DAB1: variants seen among roughly 807,000 people sequenced by gnomAD.
DAB1 encodes the protein DAB adaptor protein 1, also known as disabled homolog 1.
DAB1 carries 15 observed loss-of-function variants against 64.6 expected under a neutral mutation model. The observed-to-expected ratio is 0.23, with a 90% CI of 0.16 to 0.36. DAB1 has a LOEUF of 0.36. Among genes scored for constraint, DAB1 ranks in the 10% least tolerant of loss-of-function variants. The pLI, the probability that DAB1 is intolerant of heterozygous loss-of-function variation, is 1.00. For synonymous variants in DAB1, 235 were observed against 251.9 expected (o/e 0.93, Z 0.64); for missense variants, 596 against 706.7 (o/e 0.84, Z 1.78).
chr1:58,424,513 C>T (rs1005396226), intron 3 of DAB1, among the ~76,000 whole-genome samples: 6 of 152,210 alleles, frequency 3.9e-5, no homozygotes, highest in Admixed American at 3.9e-4. Flanking sequence ...TAGTGCAATC[C>T]TCCAGGAGAA....
intron 7 of DAB1, among the ~76,000 whole-genome samples, chr1:57,430,738 A>C (rs1409012091): frequency 6.6e-6 from 1 of 152,140 alleles, no homozygotes; most frequent in Non-Finnish European, 1.5e-5. Context: ...ACGAACACAG[A>C]ATGTGCACAA....
intron 6 of DAB1, among the ~76,000 whole-genome samples, chr1:57,656,651 T>G (rs1387097278): frequency 6.6e-6 from 1 of 152,224 alleles, no homozygotes; most frequent in Non-Finnish European, 1.5e-5. Flanking sequence ...TCATAGGTAC[T>G]ACAGAGTAAA....
At position 57,127,710 on chromosome 1, in the gene DAB1, C is replaced by T. The variant is rs181205996; in HGVS notation, c.306+8833G>A. Among the ~76,000 whole-genome samples, 350 of 152,236 alleles carry T rather than the reference C, an allele frequency of 2.3e-3. 5 individuals carry two copies. The highest frequency in any genetic ancestry group is 7.4e-3 in the African/African-American group (307 of 41,546). ...GTTGTGTTCAAGTGACCTAACCTTC[C>T]TGAGTCTTAGTCACCTAATCTGTAA... is the stretch of plus-strand genomic sequence containing the variant. On this transcript the variant is annotated intron_variant, in intron 4 of 14. Transcript: ENST00000371236.
intron 4 of DAB1, among the ~76,000 whole-genome samples, chr1:57,096,996 A>T (rs1334605005): frequency 6.6e-6 from 1 of 152,134 alleles, no homozygotes; most frequent in Non-Finnish European, 1.5e-5. Context: ...CTGTTTCTCC[A>T]GCTAGGTTAT....
At chr1:57,281,799 G>A (rs913454834) in intron 2 of DAB1, among the ~76,000 whole-genome samples, 2 of 152,060 alleles carry the variant, frequency 1.3e-5, no homozygotes, top group Middle Eastern at 3.2e-3. Context: ...CTTCGGGGAC[G>A]GGGGCCAGTG....
chr1:58,140,185 A>G (rs1654199344), intron 5 of DAB1, among the ~76,000 whole-genome samples: 1 of 152,002 alleles, frequency 6.6e-6, no homozygotes. Flanking sequence ...GGTAATTCTC[A>G]TTGTTTGGTT....
chr1:58,350,412 A>G (rs1009293945), intron 3 of DAB1, among the ~76,000 whole-genome samples: 1 of 152,118 alleles, frequency 6.6e-6, no homozygotes, highest in Non-Finnish European at 1.5e-5. Flanking sequence ...TAGGTTGCCT[A>G]TTCACTCTGA....
intron 1 of DAB1, chr1:57,863,134 A>C: frequency 6.6e-6 from 1 of 152,194 alleles, no homozygotes; most frequent in East Asian, 1.9e-4. Flanking sequence ...TATGGATGTA[A>C]ATTATAATGC....
chr1:57,037,815 T>C (rs1403812343), intron 9 of DAB1, among the ~76,000 whole-genome samples: 1 of 152,148 alleles, frequency 6.6e-6, no homozygotes, highest in East Asian at 1.9e-4. Flanking sequence ...CAAGGGCAAG[T>C]GGCTTGAGGT....
intron 5 of DAB1, among the ~76,000 whole-genome samples, chr1:58,075,827 T>G (rs1313243410): frequency 6.6e-6 from 1 of 152,132 alleles, no homozygotes; most frequent in Non-Finnish European, 1.5e-5. Flanking sequence ...TCCCTCTTTG[T>G]GAATCTCTCT....
intron 4 of DAB1, among the ~76,000 whole-genome samples, chr1:58,176,493 G>A (rs564918577): frequency 1.3e-5 from 2 of 152,242 alleles, no homozygotes; most frequent in South Asian, 2.1e-4. Context: ...TGTAATGAAC[G>A]GAAATTCATT....
rs542177511 is a variant in DAB1 at position 58,524,171 on chromosome 1, C to T, written n.107+3090G>A. 4.6e-5 allele frequency among the ~76,000 whole-genome samples: 7 copies of T among 152,306 alleles called. No individual in the cohort carries two copies. In the South Asian group the frequency reaches 1.2e-3, roughly 27 times the overall value. On this transcript the variant is annotated intron_variant and non_coding_transcript_variant, in intron 2 of 20. Coordinates refer to the DAB1 transcript ENST00000485760. ...CCCTTCTGCCTTAAATCTTGATGCT[C>T]ATTAATAAATGTCCTTTATGGCATT...
At chr1:57,314,218 C>T (rs570944889) in intron 1 of DAB1, among the ~76,000 whole-genome samples, 3 of 152,212 alleles carry the variant, frequency 2.0e-5, no homozygotes, top group Admixed American at 6.5e-5. Flanking sequence ...GATACACATA[C>T]TTAATACTGA....
At chr1:58,449,020 T>A (rs1645102947) in intron 3 of DAB1, among the ~76,000 whole-genome samples, 1 of 152,080 alleles carries the variant, frequency 6.6e-6, no homozygotes, top group Non-Finnish European at 1.5e-5. Context: ...CAAAACAAAA[T>A]TTTCATAGGA....
intron 4 of DAB1, among the ~76,000 whole-genome samples, chr1:58,281,988 C>A (rs1317809331): frequency 6.6e-6 from 1 of 152,102 alleles, no homozygotes; most frequent in African/African-American, 2.4e-5. Flanking sequence ...ACATCTTCCT[C>A]CTCCTCATCA....
At chr1:58,262,776 T>C (rs1661078701) in intron 4 of DAB1, among the ~76,000 whole-genome samples, 1 of 152,202 alleles carries the variant, frequency 6.6e-6, no homozygotes. Flanking sequence ...TCTGATTTGC[T>C]TAATCCAATA....
At chr1:57,946,218 A>G (rs760633633) in intron 5 of DAB1, among the ~76,000 whole-genome samples, 1 of 152,226 alleles carries the variant, frequency 6.6e-6, no homozygotes, top group Non-Finnish European at 1.5e-5. Context: ...AGATGCCTTT[A>G]TCAGAACAGA....
chr1:58,117,490 C>T (rs952017630), intron 5 of DAB1, among the ~76,000 whole-genome samples: 9 of 152,200 alleles, frequency 5.9e-5, no homozygotes, highest in African/African-American at 2.2e-4. Context: ...TCTTTCCACA[C>T]CAGGTATTGC....
At chr1:57,488,896 T>C (rs1404739415) in intron 7 of DAB1, among the ~76,000 whole-genome samples, 2 of 152,206 alleles carry the variant, frequency 1.3e-5, no homozygotes, top group Non-Finnish European at 2.9e-5. Flanking sequence ...ATATATGCCA[T>C]CTGGCATAAA....
Sources: gnomAD v4.1 joint callset for allele counts (sites outside exome capture counted in the v4.1 genomes callset) on GRCh38, gnomAD v4.1.1 for gene constraint, MANE v1.5 for transcripts, NCBI Gene and HGNC (gene_info 2026-07-23, HGNC 2026-07-21) for gene names.